The following RNF217 variants were observed in gnomAD, a reference collection of about 807,000 sequenced individuals.
The protein encoded by RNF217 is E3 ubiquitin-protein ligase RNF217.
In RNF217, 31 loss-of-function variants were observed where a neutral mutation model predicts 57.8. That is an observed-to-expected ratio of 0.54 (90% CI 0.40 to 0.72). The LOEUF is 0.72. Ranked by LOEUF, RNF217 falls within the 30% of genes least tolerant of loss-of-function variation. RNF217 has a pLI of 0.00. For synonymous variants in RNF217, 313 were observed against 294.0 expected (o/e 1.06, Z -0.66); for missense variants, 696 against 708.3 (o/e 0.98, Z 0.20).
chr6:124,963,571 T>C, intron 1 of RNF217, 145 bp downstream of exon 1: 1 of 1,042,622 alleles, frequency 9.6e-7, no homozygotes, highest in Non-Finnish European at 1.3e-6. Context: ...GTCTCAGTTG[T>C]TATTTAAGTG....
intron 1 of RNF217, among the ~76,000 whole-genome samples, chr6:125,011,623 A>C (rs1259758994): frequency 6.6e-6 from 1 of 151,812 alleles, no homozygotes; most frequent in Non-Finnish European, 1.5e-5. Flanking sequence ...GTGTAGATAC[A>C]TTTTTAATTG....
chr6:125,024,912 T>C, intron 1 of RNF217, among the ~76,000 whole-genome samples: 1 of 152,018 alleles, frequency 6.6e-6, no homozygotes, highest in East Asian at 1.9e-4. Context: ...TGTATATATA[T>C]GTGGAGTTGA....
chr6:124,997,302 A>G (rs1037942728), intron 1 of RNF217, among the ~76,000 whole-genome samples: 1 of 152,218 alleles, frequency 6.6e-6, no homozygotes, highest in African/African-American at 2.4e-5. Context: ...TTTATAGAAC[A>G]TGTTGTATTA....
At chr6:125,018,104 G>A (rs191888097) in intron 1 of RNF217, among the ~76,000 whole-genome samples, 6 of 152,282 alleles carry the variant, frequency 3.9e-5, no homozygotes, top group Admixed American at 1.3e-4. Context: ...AAGAAAAGTT[G>A]TATGTTTTTT....
intron 1 of RNF217, chr6:125,009,257 T>C (rs202166775): frequency 7.4e-6 from 12 of 1,611,350 alleles, no homozygotes; most frequent in Non-Finnish European, 1.0e-5. Flanking sequence ...TCCACACCCA[T>C]AAACCAGTTC....
chr6:125,043,699 T>C (rs1179499789), intron 1 of RNF217, among the ~76,000 whole-genome samples: 1 of 152,036 alleles, frequency 6.6e-6, no homozygotes, highest in African/African-American at 2.4e-5. Context: ...AAAACGTAAT[T>C]TGAATTATAA....
In RNF217 at chr6:125,086,329, A is replaced by G. The variant is rs1788769860; in HGVS notation, c.*3392A>G. ...AGGAAATTTTTTTTCAATAAAAATA[A>G]AATTTGAGGAGATGTGTGTCAGATA... is the stretch of plus-strand genomic sequence containing the variant. On this transcript the variant is annotated 3_prime_UTR_variant, in exon 6 of 6. Coordinates refer to ENST00000521654, the MANE Select transcript of RNF217 (RefSeq NM_001286398.3). 6.7e-6 allele frequency: 1 copy of G among 149,362 alleles called. No homozygotes were observed. The highest frequency in any genetic ancestry group is 2.1e-4 in the South Asian group (1 of 4,712). 9.3% of individuals were successfully genotyped at this position (149,362 alleles called of 1,614,324 possible). A position where few individuals can be genotyped will look rare whatever the true frequency, so the allele number is the denominator to read the frequency against.
chr6:125,047,796 T>C (rs1787152762), intron 2 of RNF217, among the ~76,000 whole-genome samples: 1 of 152,084 alleles, frequency 6.6e-6, no homozygotes, highest in African/African-American at 2.4e-5. Context: ...ACCATAAATG[T>C]TGATTATGAA....
intron 1 of RNF217, among the ~76,000 whole-genome samples, chr6:124,977,007 A>C (rs1207643616): frequency 1.3e-5 from 2 of 152,214 alleles, no homozygotes; most frequent in Admixed American, 6.5e-5. Flanking sequence ...GTTTGTTCTC[A>C]AGATTTGTTA....
At chr6:125,003,805 A>G (rs899514309) in intron 1 of RNF217, among the ~76,000 whole-genome samples, 1 of 152,156 alleles carries the variant, frequency 6.6e-6, no homozygotes, top group African/African-American at 2.4e-5. Context: ...AGCTCATACC[A>G]TAAGAAGCTC....
In RNF217 at chr6:125,092,266, G is replaced by T. The variant is rs1341689806; in HGVS notation, c.*9329G>T. 1 of 152,090 alleles carries T rather than the reference G, an allele frequency of 6.6e-6. No homozygotes were observed. 9.4% of individuals were successfully genotyped at this position (152,090 alleles called of 1,614,324 possible). On this transcript the variant is annotated 3_prime_UTR_variant, in exon 6 of 6. Transcript: ENST00000521654. ...GCTGCTGGCGGTAAAAGCAACCCAA[G>T]TGTCAGATCACACAAATTTTAGGGA...
Position 124,962,771 on chromosome 6 carries a change from C to T in RNF217, c.227C>T (p.Pro76Leu). The T allele has an allele frequency of 6.3e-7, 1 of 1,594,592 alleles. No homozygotes were observed. Among genetic ancestry groups the T allele is most frequent in the Non-Finnish European group, 8.5e-7 (1 of 1,178,730 alleles). Reference protein sequence around the residue: ...APEPARSLGPPGWSKSRAPAQ... With the variant: ...APEPARSLGPLGWSKSRAPAQ... The stretch of plus-strand genomic sequence containing the variant: ...GAGCCCGCGAGGAGCCTGGGGCCCC[C>T]GGGCTGGAGTAAGAGCCGAGCACCG... The change falls in exon 1 of 6, where the codon CCG (proline) becomes CTG (leucine). Residue 76 changes from proline to leucine, a missense_variant. Around this residue, in one of 2 missense-constraint regions of RNF217, gnomAD observed 465 missense variants for 386.8 expected, o/e 1.20. Coordinates refer to ENST00000521654, the MANE Select transcript of RNF217 (RefSeq NM_001286398.3). This position sits in a 1 kb window ranked among gnomAD's most constrained non-coding sequence, Gnocchi z 4.6.
chr6:125,012,375 T>C (rs908144897), intron 1 of RNF217, among the ~76,000 whole-genome samples: 3 of 152,188 alleles, frequency 2.0e-5, no homozygotes, highest in Non-Finnish European at 1.5e-5. Flanking sequence ...ATGGATACTT[T>C]AAAGGTACTC....
rs536892538 is a variant in RNF217 at position 125,027,590 on chromosome 6, T to G, written c.883-17621T>G. On this transcript the variant is annotated intron_variant, in intron 1 of 5. Transcript: ENST00000521654. ...ACTTAGGTTGCTTCGAAATCTTAGC[T>G]GTTGTAAACAGAGCTGCAACAAACA... Among the ~76,000 whole-genome samples the G allele has an allele frequency of 6.6e-5, 10 of 152,340 alleles. No individual in the cohort carries two copies. The East Asian group carries it at 1.9e-3, about 29-fold the overall frequency.
At chr6:125,079,438 TAAAAA>T (rs760651906) in intron 4 of RNF217, among the ~76,000 whole-genome samples, 1 of 125,930 alleles carries the variant, frequency 7.9e-6, no homozygotes. Flanking sequence ...AATACTCAAT[TAAAAA>T]AAAAAAAAAA....
chr6:125,043,140 G>A (rs935592398), intron 1 of RNF217, among the ~76,000 whole-genome samples: 35 of 152,064 alleles, frequency 2.3e-4, no homozygotes, highest in African/African-American at 7.7e-4. Context: ...ACACTTTGTG[G>A]TCCAGTCTGC....
At position 125,068,725 on chromosome 6, in the gene RNF217, T is replaced by C. The variant is rs374853624; in HGVS notation, c.1282-7932T>C. ...ATTTTATCAATGAACAAAGTAATTATTTGTTGAATGAAAAAATGAATGAAA... is the reference window on the plus strand; with the variant it reads ...ATTTTATCAATGAACAAAGTAATTACTTGTTGAATGAAAAAATGAATGAAA... On this transcript the variant is annotated intron_variant, in intron 3 of 5. Coordinates refer to ENST00000521654, the MANE Select transcript of RNF217 (RefSeq NM_001286398.3). 1.4e-4 allele frequency among the ~76,000 whole-genome samples: 21 copies of C among 152,320 alleles called. No homozygotes were observed. The East Asian group carries it at 2.7e-3, about 20-fold the overall frequency.
At chr6:124,998,655 G>T (rs1343574013) in intron 1 of RNF217, among the ~76,000 whole-genome samples, 1 of 152,220 alleles carries the variant, frequency 6.6e-6, no homozygotes, top group East Asian at 1.9e-4. Context: ...AAAAAACCTA[G>T]TGAAGCATGG....
Position 125,082,947 on chromosome 6 carries a change from G to T in RNF217, c.*10G>T, listed in dbSNP as rs766788131. On this transcript the variant is annotated 3_prime_UTR_variant, in exon 6 of 6. Transcript: ENST00000521654. ...AGGTATGCACTGGTAACATGCAGAT[G>T]ATTTCATCCAGCTAAGCTGGTTGGA... The T allele has an allele frequency of 1.3e-6, 2 of 1,583,670 alleles. No individual in the cohort carries two copies. Among genetic ancestry groups the T allele is most frequent in the African/African-American group, 1.4e-5 (1 of 72,962 alleles).
Sources: gnomAD v4.1 joint callset for allele counts (sites outside exome capture counted in the v4.1 genomes callset) on GRCh38, gnomAD v4.1.1 for gene constraint, gnomAD v4.1.1 regional missense constraint, Gnocchi (gnomAD v3.1) non-coding constraint, MANE v1.5 for transcripts, NCBI Gene and HGNC (gene_info 2026-07-23, HGNC 2026-07-21) for gene names.